OPCML: variants seen among roughly 807,000 people sequenced by gnomAD.
The protein encoded by OPCML is opioid-binding protein/cell adhesion molecule.
Under a neutral mutation model 37.8 loss-of-function variants are expected in OPCML, and 13 were observed. That is an observed-to-expected ratio of 0.34 (90% CI 0.22 to 0.55). The LOEUF (loss-of-function observed/expected upper bound fraction) is 0.55. Ranked by LOEUF, OPCML falls within the 20% of genes least tolerant of loss-of-function variation. The probability of loss-of-function intolerance (pLI) is 0.91; values close to 1 mark genes in which losing one functional copy is unlikely to be tolerated. For synonymous variants in OPCML, 176 were observed against 168.8 expected (o/e 1.04, Z -0.33); for missense variants, 341 against 435.6 (o/e 0.78, Z 1.93).
chr11:132,548,773 T>C (rs527766915), intron 3 of OPCML, among the ~76,000 whole-genome samples: 1 of 152,318 alleles, frequency 6.6e-6, no homozygotes, highest in East Asian at 1.9e-4. Flanking sequence ...GACAGATAGG[T>C]GCCTCCTTGA....
intron 3 of OPCML, among the ~76,000 whole-genome samples, chr11:132,624,266 G>T (rs1005955578): frequency 4.6e-5 from 7 of 152,154 alleles, no homozygotes; most frequent in African/African-American, 1.7e-4. Context: ...TGAAGAGGTA[G>T]AACAAGTTTG....
chr11:132,865,821 A>T (rs1942522479), intron 2 of OPCML, among the ~76,000 whole-genome samples: 1 of 152,176 alleles, frequency 6.6e-6, no homozygotes. Flanking sequence ...AAACTCATAG[A>T]TAATGTAGAA....
intron 2 of OPCML, among the ~76,000 whole-genome samples, chr11:132,767,390 A>T (rs1946482376): frequency 6.6e-6 from 1 of 152,180 alleles, no homozygotes; most frequent in Admixed American, 6.5e-5. Context: ...GATTTCTTTG[A>T]GGTCAATAAC....
chr11:132,683,285 A>T (rs1162632719), intron 2 of OPCML, among the ~76,000 whole-genome samples: 1 of 152,114 alleles, frequency 6.6e-6, no homozygotes, highest in Admixed American at 6.5e-5. Flanking sequence ...CTGTAGTCCC[A>T]GTTACTTACG....
At chr11:132,731,793 A>G (rs1360419472) in intron 2 of OPCML, among the ~76,000 whole-genome samples, 1 of 152,194 alleles carries the variant, frequency 6.6e-6, no homozygotes, top group African/African-American at 2.4e-5. Flanking sequence ...TAGAAAGATA[A>G]CACAATTTAA....
rs1592264648 is a variant in OPCML at position 132,495,859 on chromosome 11, C to T, written c.505+33202G>A. 8.0e-5 allele frequency among the ~76,000 whole-genome samples: 12 copies of T among 149,108 alleles called. No individual in the cohort carries two copies. The South Asian group carries it at 2.5e-3, about 32-fold the overall frequency. On this transcript the variant is annotated intron_variant, in intron 4 of 7. Transcript: ENST00000524381. ...GCGCTGAGCCAAGATCACACCACTG[C>T]ACTCCAGCCTGGGCAACAGAGTGAG...
At chr11:133,093,222 C>A (rs1591994360) in intron 1 of OPCML, among the ~76,000 whole-genome samples, 2 of 151,324 alleles carry the variant, frequency 1.3e-5, no homozygotes, top group East Asian at 3.9e-4. Flanking sequence ...CCCTTGCCAA[C>A]CCCCCCAACC....
intron 4 of OPCML, among the ~76,000 whole-genome samples, chr11:132,451,953 C>T (rs1388427535): frequency 1.3e-5 from 2 of 152,246 alleles, no homozygotes; most frequent in East Asian, 1.9e-4. Flanking sequence ...GATTTCTGTG[C>T]GGTACAGAGT....
intron 2 of OPCML, among the ~76,000 whole-genome samples, chr11:132,732,951 T>C (rs1945129311): frequency 6.6e-6 from 1 of 152,086 alleles, no homozygotes; most frequent in Non-Finnish European, 1.5e-5. Flanking sequence ...GCAGAATGAT[T>C]AAAAGGAGAC....
intron 4 of OPCML, among the ~76,000 whole-genome samples, chr11:132,515,544 A>C (rs7124348): frequency 6.6e-6 from 1 of 152,160 alleles, no homozygotes; most frequent in South Asian, 2.1e-4. Context: ...AACTGCTTTT[A>C]CTTCATGAGA....
intron 1 of OPCML, among the ~76,000 whole-genome samples, chr11:133,484,075 TA>T (rs1947470364): frequency 6.8e-6 from 1 of 147,522 alleles, no homozygotes; most frequent in Non-Finnish European, 1.5e-5. Context: ...GATAGATAGA[TA>T]GATAGATTCA....
At chr11:133,188,172 C>T (rs534745919) in intron 1 of OPCML, among the ~76,000 whole-genome samples, 16 of 152,248 alleles carry the variant, frequency 1.1e-4, no homozygotes, top group Admixed American at 9.2e-4. Context: ...AGAATGAATC[C>T]ATTTGCCAAA....
At chr11:133,182,944 T>C (rs1937905607) in intron 1 of OPCML, among the ~76,000 whole-genome samples, 1 of 152,120 alleles carries the variant, frequency 6.6e-6, no homozygotes, top group African/African-American at 2.4e-5. Flanking sequence ...AGTTCTAACC[T>C]GAAAACCACC....
chr11:132,826,333 C>T (rs561290349), intron 2 of OPCML, among the ~76,000 whole-genome samples: 1 of 152,332 alleles, frequency 6.6e-6, no homozygotes, highest in South Asian at 2.1e-4. Context: ...TTTCCAAATA[C>T]ATTTCACAGT....
At position 132,417,677 on chromosome 11, in the gene OPCML, C is replaced by T. The variant is rs985045626; in HGVS notation, c.*2516G>A. ...TCCAAGACTGTCCACTCTTCACAGC[C>T]TTCACATTTATTCAACTCCAAAGTA... On this transcript the variant is annotated 3_prime_UTR_variant, in exon 8 of 8. Transcript: ENST00000524381. 6.6e-6 allele frequency: 1 copy of T among 152,216 alleles called. No individual in the cohort carries two copies. Among genetic ancestry groups the T allele is most frequent in the African/African-American group, 2.4e-5 (1 of 41,452 alleles). The allele number at this position is 152,216 out of a possible 1,614,324, so 9.4% of individuals were successfully genotyped here.
At chr11:132,614,172 C>T (rs1006078662) in intron 3 of OPCML, among the ~76,000 whole-genome samples, 2 of 152,070 alleles carry the variant, frequency 1.3e-5, no homozygotes, top group Non-Finnish European at 2.9e-5. Context: ...CGGTTCAATC[C>T]GCTGCTTGTG....
At chr11:132,948,311 G>T (rs1335236294) in intron 1 of OPCML, among the ~76,000 whole-genome samples, 1 of 152,232 alleles carries the variant, frequency 6.6e-6, no homozygotes, top group African/African-American at 2.4e-5. Flanking sequence ...CCTAGCACAT[G>T]GTCTTTATTG....
rs1565469099 is a variant in OPCML, at chr11:133,141,029, ACG to A, written c.62-198021_62-198020del. ...GACGACGACGACGACGACGACGACG[ACG>A]ACGACGACGACGACGACGAAGAAGA... is the stretch of plus-strand genomic sequence containing the variant. On this transcript the variant is annotated intron_variant, in intron 1 of 7. Coordinates refer to ENST00000524381, the MANE Select transcript of OPCML (RefSeq NM_001012393.5). Among the ~76,000 whole-genome samples the A allele has an allele frequency of 1.6e-3, 43 of 26,860 alleles. 14 individuals carry two copies. The highest frequency in any genetic ancestry group is 3.0e-3 in the African/African-American group (43 of 14,380). The allele number at this position is 26,860 out of a possible 152,430, so 17.6% of individuals were successfully genotyped here.
chr11:133,083,576 T>C (rs892072438), intron 1 of OPCML, among the ~76,000 whole-genome samples: 2 of 152,238 alleles, frequency 1.3e-5, no homozygotes, highest in East Asian at 1.9e-4. Context: ...AATCCACATC[T>C]CAAAGCTGGA....
Sources: gnomAD v4.1 joint callset for allele counts (sites outside exome capture counted in the v4.1 genomes callset) on GRCh38, gnomAD v4.1.1 for gene constraint, MANE v1.5 for transcripts, NCBI Gene and HGNC (gene_info 2026-07-23, HGNC 2026-07-21) for gene names.